Variants in TENM2 observed in about 807,000 individuals in gnomAD.
TENM2 encodes the protein teneurin-2.
Under a neutral mutation model 245.2 loss-of-function variants are expected in TENM2, and 52 were observed. That is an observed-to-expected ratio of 0.21 (90% confidence interval 0.17 to 0.27). TENM2 has a LOEUF of 0.27. Among genes scored for constraint, TENM2 ranks in the 10% least tolerant of loss-of-function variants. TENM2 has a pLI of 1.00. For missense variants in TENM2, 3,046 were observed against 3,666.8 expected (o/e 0.83, Z 4.37); for synonymous variants, 1,363 against 1,438.9 (o/e 0.95, Z 1.19).
intron 2 of TENM2, among the ~76,000 whole-genome samples, chr5:167,861,396 C>T (rs1561866883): frequency 6.6e-6 from 1 of 152,154 alleles, no homozygotes; most frequent in Non-Finnish European, 1.5e-5. Context: ...CCATTTGGAG[C>T]CCCACAGGTA....
the TENM2 span, among the ~76,000 whole-genome samples, chr5:167,207,006 A>T: frequency 6.6e-6 from 1 of 152,158 alleles, no homozygotes; most frequent in East Asian, 1.9e-4. Context: ...AAACCAATTT[A>T]CTTCAGTACA....
chr5:167,742,071 G>C (rs963609368), intron 2 of TENM2, among the ~76,000 whole-genome samples: 1 of 152,126 alleles, frequency 6.6e-6, no homozygotes, highest in South Asian at 2.1e-4. Context: ...AATATCCTAA[G>C]TGGCAATTAA....
intron 7 of TENM2, among the ~76,000 whole-genome samples, chr5:168,078,511 A>G (rs942607148): frequency 1.1e-4 from 16 of 152,160 alleles, no homozygotes; most frequent in Admixed American, 2.6e-4. Context: ...GCCCATGCCT[A>G]TGGCCTGAAT....
intron 1 of TENM2, among the ~76,000 whole-genome samples, chr5:167,332,111 G>GT (rs1757494458): frequency 6.6e-6 from 1 of 152,046 alleles, no homozygotes; most frequent in Non-Finnish European, 1.5e-5. Context: ...ATCCACTCAA[G>GT]TTTTTTTATG....
chr5:167,492,031 G>GTATT (rs1768460917), intron 2 of TENM2, among the ~76,000 whole-genome samples: 1 of 152,106 alleles, frequency 6.6e-6, no homozygotes, highest in African/African-American at 2.4e-5. Flanking sequence ...TGCATTATTA[G>GTATT]TATTTTAAAG....
intron 19 of TENM2, among the ~76,000 whole-genome samples, chr5:168,210,672 G>A (rs1168580507): frequency 4.7e-5 from 7 of 148,630 alleles, no homozygotes; most frequent in Non-Finnish European, 1.0e-4. Context: ...CGTAATCCCT[G>A]TGCAAACCCA....
chr5:167,837,255 T>C (rs994118113), intron 2 of TENM2, among the ~76,000 whole-genome samples: 3 of 152,178 alleles, frequency 2.0e-5, no homozygotes, highest in African/African-American at 7.2e-5. Context: ...TCTTGGTTTC[T>C]ACCATTACAA....
chr5:167,640,896 T>TATATAC, intron 2 of TENM2, among the ~76,000 whole-genome samples: 1 of 99,494 alleles, frequency 1.0e-5, no homozygotes, highest in African/African-American at 4.4e-5. Context: ...TATATATATA[T>TATATAC]ATATATATAT....
intron 2 of TENM2, among the ~76,000 whole-genome samples, chr5:167,529,604 G>A (rs150841863): frequency 1.2e-4 from 18 of 152,264 alleles, no homozygotes; most frequent in Admixed American, 3.9e-4. Flanking sequence ...GAGATGAAGG[G>A]TAACCTTGAA....
At chr5:167,228,252 A>G in the TENM2 span, among the ~76,000 whole-genome samples, 1 of 151,326 alleles carries the variant, frequency 6.6e-6, no homozygotes, top group Non-Finnish European at 1.5e-5. Context: ...CTGGTCTCGA[A>G]CTCCTGACCT....
chr5:167,110,722 A>G, the TENM2 span, among the ~76,000 whole-genome samples: 7 of 152,176 alleles, frequency 4.6e-5, no homozygotes, highest in Non-Finnish European at 1.5e-5. Context: ...TGGGATCTTC[A>G]GTGTTTTTAA....
At chr5:167,904,369 G>A (rs771640213) in intron 3 of TENM2, among the ~76,000 whole-genome samples, 1 of 152,144 alleles carries the variant, frequency 6.6e-6, no homozygotes, top group Non-Finnish European at 1.5e-5. Flanking sequence ...TGGTAAAGAA[G>A]GGATAAAGAT....
chr5:167,529,414 C>T (rs7737557), intron 2 of TENM2, among the ~76,000 whole-genome samples: 102,521 of 152,068 alleles, frequency 0.67, 34,817 homozygotes, highest in East Asian at 0.87. Flanking sequence ...TATTATGACT[C>T]TTCAGCAATG....
chr5:167,978,146 C>A (rs564019307), intron 4 of TENM2, among the ~76,000 whole-genome samples: 1 of 152,170 alleles, frequency 6.6e-6, no homozygotes, highest in Non-Finnish European at 1.5e-5. Context: ...TCTTTTACAG[C>A]CTGCAGAATC....
chr5:167,013,075 A>G, the TENM2 span, among the ~76,000 whole-genome samples: 190 of 152,296 alleles, frequency 1.2e-3, 1 homozygote, highest in East Asian at 0.012. Flanking sequence ...TTATATTCTA[A>G]GTATTATAAA....
chr5:167,701,272 T>C (rs1758123844), intron 2 of TENM2, among the ~76,000 whole-genome samples: 2 of 152,160 alleles, frequency 1.3e-5, no homozygotes, highest in Admixed American at 6.5e-5. Context: ...AAATTCACAG[T>C]TAAATGAGGC....
At chr5:167,357,971 C>T (rs543272337) in intron 1 of TENM2, among the ~76,000 whole-genome samples, 1 of 152,208 alleles carries the variant, frequency 6.6e-6, no homozygotes, top group Non-Finnish European at 1.5e-5. Context: ...CTACTGTTAT[C>T]CCAGGTAAAG....
the TENM2 span, among the ~76,000 whole-genome samples, chr5:167,115,352 A>G: frequency 6.6e-6 from 1 of 152,156 alleles, no homozygotes; most frequent in African/African-American, 2.4e-5. Flanking sequence ...CCTTTAAAAG[A>G]TTGGCTCCTC....
chr5:167,494,182 C>T (rs1582199643), intron 2 of TENM2, among the ~76,000 whole-genome samples: 1 of 152,186 alleles, frequency 6.6e-6, no homozygotes, highest in African/African-American at 2.4e-5. Flanking sequence ...TCATGTGGAA[C>T]TTCAGATGGA....
Sources: allele counts gnomAD v4.1 joint callset (sites outside exome capture counted in the v4.1 genomes callset), GRCh38; gene constraint gnomAD v4.1.1; transcripts MANE v1.5; gene names NCBI Gene and HGNC (gene_info 2026-07-23, HGNC 2026-07-21).